Variants in ADGRV1 observed in about 807,000 individuals in gnomAD.
ADGRV1 encodes the protein G-protein coupled receptor 98.
A neutral mutation model predicts 596.2 loss-of-function variants in ADGRV1; 359 were observed. The ratio of observed to expected loss-of-function variants is 0.60; its 90% confidence interval spans 0.55 to 0.66. ADGRV1 has a LOEUF of 0.66. ADGRV1 is among the 30% of genes least tolerant of loss of function. The pLI, the probability that ADGRV1 is intolerant of heterozygous loss-of-function variation, is 0.00. For missense variants in ADGRV1, 7,274 were observed against 7,575.6 expected (o/e 0.96, Z 1.48); for synonymous variants, 2,681 against 2,679.2 (o/e 1.00, Z -0.02).
intron 43 of ADGRV1, 154 bp downstream of exon 43, chr5:90,716,883 G>A (rs961890010): frequency 1.0e-5 from 6 of 595,020 alleles, no homozygotes; most frequent in African/African-American, 5.5e-5. Context: ...TGTGACAAGT[G>A]CTGTAGTTCT....
At chr5:90,748,429 A>G (rs987854371) in intron 52 of ADGRV1, among the ~76,000 whole-genome samples, 2 of 151,736 alleles carry the variant, frequency 1.3e-5, no homozygotes, top group Admixed American at 1.3e-4. Flanking sequence ...CATACAATCA[A>G]CATAAAATTA....
chr5:90,598,400 G>C (rs1279254626), intron 1 of ADGRV1, among the ~76,000 whole-genome samples: 1 of 152,260 alleles, frequency 6.6e-6, no homozygotes, highest in Non-Finnish European at 1.5e-5. Context: ...GCTAAGCCCT[G>C]TAGCCAGGGA....
intron 43 of ADGRV1, 40 bp downstream of exon 43, chr5:90,716,769 T>C: frequency 6.7e-7 from 1 of 1,484,844 alleles, no homozygotes; most frequent in East Asian, 2.3e-5. Context: ...AGTTTATCTT[T>C]AATATTTACA....
intron 9 of ADGRV1, among the ~76,000 whole-genome samples, chr5:90,633,628 A>G (rs1391235280): frequency 6.6e-6 from 1 of 151,428 alleles, no homozygotes; most frequent in Non-Finnish European, 1.5e-5. Context: ...ATATATGTGT[A>G]TATATATATA....
intron 86 of ADGRV1, among the ~76,000 whole-genome samples, chr5:91,088,573 G>C (rs1304787057): frequency 1.3e-5 from 2 of 152,050 alleles, no homozygotes; most frequent in Admixed American, 1.3e-4. Context: ...TCATTCATTA[G>C]TCTTAAACTA....
chr5:90,569,494 T>C (rs1048720256), intron 1 of ADGRV1, among the ~76,000 whole-genome samples: 2 of 147,978 alleles, frequency 1.4e-5, no homozygotes, highest in African/African-American at 5.0e-5. Context: ...TAGGTCATTT[T>C]TTCCAATTCA....
At position 90,853,539 on chromosome 5, in the gene ADGRV1, C is replaced by G. The variant is rs1459688212; in HGVS notation, c.17454+6C>G. 6.2e-7 allele frequency: 1 copy of G among 1,606,186 alleles called. No homozygotes were observed. Among genetic ancestry groups the G allele is most frequent in the East Asian group, 2.2e-5 (1 of 44,758 alleles). ...TTCCTACCCTAAAAAATAAGGTAAT[C>G]TTTCATTCAAAACACTTATGTGGTT... is the stretch of plus-strand genomic sequence containing the variant. On this transcript the variant is annotated splice_donor_region_variant and intron_variant, in intron 80 of 89. Transcript: ENST00000405460.
intron 87 of ADGRV1, among the ~76,000 whole-genome samples, chr5:91,144,061 G>A (rs1481577263): frequency 6.6e-6 from 1 of 152,144 alleles, no homozygotes; most frequent in African/African-American, 2.4e-5. Context: ...GGCAGTGGGA[G>A]CGGGCCTGCA....
intron 77 of ADGRV1, among the ~76,000 whole-genome samples, chr5:90,831,018 G>T (rs1356776706): frequency 1.3e-5 from 2 of 152,064 alleles, no homozygotes; most frequent in African/African-American, 4.8e-5. Context: ...TGGAACATTG[G>T]CTATTCCTGG....
chr5:90,678,315 A>G (rs1302836064), intron 25 of ADGRV1, among the ~76,000 whole-genome samples: 1 of 152,054 alleles, frequency 6.6e-6, no homozygotes, highest in Non-Finnish European at 1.5e-5. Context: ...TATTGCTGTC[A>G]TCACTGCCCT....
Position 90,711,291 on chromosome 5 carries a change from A to G in ADGRV1, c.9011A>G (p.Gln3004Arg), listed in dbSNP as rs370592685. 3 of 1,612,848 alleles carry G rather than the reference A, an allele frequency of 1.9e-6. No homozygotes were observed. The highest frequency in any genetic ancestry group is 1.7e-6 in the Non-Finnish European group (2 of 1,179,352). Residue 3004 changes from glutamine to arginine, a missense_variant, in exon 41 of 90, where the codon CAA (glutamine) becomes CGA (arginine). Around this residue, in one of 5 missense-constraint regions of ADGRV1, gnomAD observed 3,643 missense variants for 3,809.2 expected, o/e 0.96. Transcript: ENST00000405460. Reference protein sequence around the residue: ...LFVYAQNLEAQVGLDYIFTPM... With the variant: ...LFVYAQNLEARVGLDYIFTPM... ...GTGTATGCTCAGAATTTGGAAGCACAAGTGGGGCTGGATTATATCTTCACC... is the reference window on the plus strand; with the variant it reads ...GTGTATGCTCAGAATTTGGAAGCACGAGTGGGGCTGGATTATATCTTCACC...
rs749743624 is a variant in ADGRV1, at chr5:90,728,947, G to C, written c.10426+14G>C. 5 of 1,539,084 alleles carry C rather than the reference G, an allele frequency of 3.2e-6. No individual in the cohort carries two copies. Among genetic ancestry groups the C allele is most frequent in the Non-Finnish European group, 4.5e-6 (5 of 1,118,584 alleles). Reference sequence around the variant, plus strand: ...ATGTCTTTCTAGGTGAGAAGATAAAGTATTTGTAGTGTATATATAATTATT... The same window carrying C: ...ATGTCTTTCTAGGTGAGAAGATAAACTATTTGTAGTGTATATATAATTATT... On this transcript the variant is annotated intron_variant, in intron 49 of 89. Transcript: ENST00000405460.
intron 74 of ADGRV1, among the ~76,000 whole-genome samples, chr5:90,814,691 G>A (rs1561788562): frequency 6.6e-6 from 1 of 152,068 alleles, no homozygotes; most frequent in Non-Finnish European, 1.5e-5. Flanking sequence ...AGTTTGCTGA[G>A]GCCTCCCCAG....
At chr5:90,662,187 CTTT>C (rs5869513) in intron 21 of ADGRV1, among the ~76,000 whole-genome samples, 1 of 130,858 alleles carries the variant, frequency 7.6e-6, no homozygotes, top group African/African-American at 2.9e-5. Context: ...GGTTAAACAA[CTTT>C]TTTTTTTTTT....
In ADGRV1 at chr5:90,863,801, T is replaced by C. The variant is rs773046871; in HGVS notation, c.17800T>C (p.Ser5934Pro). ...VLSHIFCARY[S>P]MFAAKLLTHM... Reference sequence around the variant, plus strand: ...TTCCCATATCTTCTGTGCCAGGTACTCCATGTTTGCAGCTAAACTTCTGAC... The same window carrying C: ...TTCCCATATCTTCTGTGCCAGGTACCCCATGTTTGCAGCTAAACTTCTGAC... The change falls in exon 83 of 90, where the codon TCC becomes CCC. Residue 5934 changes from serine to proline, a missense_variant. Ser to Pro is a moderately conservative substitution (Grantham distance 74). Around this residue, in one of 5 missense-constraint regions of ADGRV1, gnomAD observed 1,874 missense variants for 1,970.2 expected, o/e 0.95. Transcript: ENST00000405460. 3 of 1,613,564 alleles carry C rather than the reference T, an allele frequency of 1.9e-6. No individual in the cohort carries two copies. In the South Asian group the frequency reaches 3.3e-5, roughly 18 times the overall value.
chr5:90,953,622 TTC>T (rs1444502055), intron 83 of ADGRV1, among the ~76,000 whole-genome samples: 2 of 152,088 alleles, frequency 1.3e-5, no homozygotes, highest in Non-Finnish European at 2.9e-5. Flanking sequence ...TTGATATTTC[TTC>T]TCTAACAGTC....
chr5:90,783,709 C>A, intron 66 of ADGRV1, 129 bp from the exon 67 acceptor site: 1 of 661,716 alleles, frequency 1.5e-6, no homozygotes, highest in Non-Finnish European at 2.6e-6. Context: ...GCACCCACTT[C>A]TTACCACTTG....
At chr5:90,633,007 A>G (rs183498172) in intron 9 of ADGRV1, among the ~76,000 whole-genome samples, 1 of 152,288 alleles carries the variant, frequency 6.6e-6, no homozygotes, top group African/African-American at 2.4e-5. Context: ...AATGAAACTA[A>G]AGAAAGCAGA....
intron 85 of ADGRV1, chr5:91,031,148 G>T: frequency 1.5e-6 from 2 of 1,356,870 alleles, no homozygotes; most frequent in Non-Finnish European, 2.1e-6. Flanking sequence ...TGTAAGTAAG[G>T]TATTAGAAAA....
Sources: gnomAD v4.1 joint callset for allele counts (sites outside exome capture counted in the v4.1 genomes callset) on GRCh38, gnomAD v4.1.1 for gene constraint, gnomAD v4.1.1 regional missense constraint, MANE v1.5 for transcripts, NCBI Gene and HGNC (gene_info 2026-07-23, HGNC 2026-07-21) for gene names.